CDH12: variants seen among roughly 807,000 people sequenced by gnomAD.
CDH12 encodes the protein cadherin-12.
A neutral mutation model predicts 74.1 loss-of-function variants in CDH12; 41 were observed. That is an observed-to-expected ratio of 0.55 (90% CI 0.43 to 0.72). The LOEUF is 0.72. Among genes scored for constraint, CDH12 ranks in the 30% least tolerant of loss-of-function variants. The probability of loss-of-function intolerance (pLI) is 0.00; values close to 1 mark genes in which losing one functional copy is unlikely to be tolerated. For synonymous variants in CDH12, 399 were observed against 355.0 expected (o/e 1.12, Z -1.39); for missense variants, 945 against 977.2 (o/e 0.97, Z 0.44).
At chr5:21,761,014 GA>G (rs1744689589) in intron 12 of CDH12, among the ~76,000 whole-genome samples, 1 of 152,086 alleles carries the variant, frequency 6.6e-6, no homozygotes, top group Non-Finnish European at 1.5e-5. Flanking sequence ...TTTCTAGCCT[GA>G]ATGTGAAAAT....
At chr5:22,554,490 T>C (rs1248012253) in intron 1 of CDH12, among the ~76,000 whole-genome samples, 1 of 152,136 alleles carries the variant, frequency 6.6e-6, no homozygotes, top group Non-Finnish European at 1.5e-5. Flanking sequence ...AGTCTATTTC[T>C]ATAACACAAA....
intron 3 of CDH12, among the ~76,000 whole-genome samples, chr5:22,280,132 G>T (rs938068718): frequency 5.3e-5 from 8 of 152,104 alleles, no homozygotes; most frequent in African/African-American, 1.7e-4. Flanking sequence ...GTCCAGTAAT[G>T]ATGAGCATTT....
At chr5:22,640,333 C>G (rs1396187181) in intron 1 of CDH12, among the ~76,000 whole-genome samples, 1 of 152,174 alleles carries the variant, frequency 6.6e-6, no homozygotes, top group Non-Finnish European at 1.5e-5. Flanking sequence ...GAAAATCTAA[C>G]ACTATTTTGT....
At chr5:22,459,357 A>G (rs2126580784) in intron 2 of CDH12, among the ~76,000 whole-genome samples, 1 of 152,298 alleles carries the variant, frequency 6.6e-6, no homozygotes, top group South Asian at 2.1e-4. Context: ...ATTTTATACA[A>G]TCAATAAAAA....
intron 1 of CDH12, among the ~76,000 whole-genome samples, chr5:22,547,884 T>A (rs1738402075): frequency 6.6e-6 from 1 of 152,178 alleles, no homozygotes; most frequent in South Asian, 2.1e-4. Context: ...CGAGCACTAT[T>A]TCCGCCCATG....
At chr5:22,255,370 T>A (rs1270179436) in intron 3 of CDH12, among the ~76,000 whole-genome samples, 1 of 151,766 alleles carries the variant, frequency 6.6e-6, no homozygotes, top group African/African-American at 2.4e-5. Flanking sequence ...CAAATACCTA[T>A]AATTATTAAT....
intron 8 of CDH12, among the ~76,000 whole-genome samples, chr5:21,821,879 A>C (rs2149952822): frequency 6.6e-6 from 1 of 152,136 alleles, no homozygotes; most frequent in East Asian, 1.9e-4. Context: ...AATGGCTTAG[A>C]AATAAAATTT....
At chr5:22,782,056 TTG>T (rs1747410259) in intron 1 of CDH12, among the ~76,000 whole-genome samples, 1 of 152,138 alleles carries the variant, frequency 6.6e-6, no homozygotes, top group South Asian at 2.1e-4. Flanking sequence ...CATTGTATTG[TTG>T]AATTAACTAA....
intron 4 of CDH12, among the ~76,000 whole-genome samples, chr5:22,176,218 G>A (rs1456677756): frequency 6.6e-6 from 1 of 151,742 alleles, no homozygotes; most frequent in Non-Finnish European, 1.5e-5. Flanking sequence ...TGAATGCAGT[G>A]GCAAGATTTT....
intron 1 of CDH12, among the ~76,000 whole-genome samples, chr5:22,618,799 T>C (rs1385500839): frequency 6.6e-6 from 1 of 152,010 alleles, no homozygotes; most frequent in Non-Finnish European, 1.5e-5. Context: ...AGGGACCTAG[T>C]AGGAGGTAAT....
chr5:22,839,507 C>T (rs1050118208), intron 1 of CDH12, among the ~76,000 whole-genome samples: 1 of 151,882 alleles, frequency 6.6e-6, no homozygotes, highest in African/African-American at 2.4e-5. Flanking sequence ...AGGCACCCAC[C>T]ATCACGTCTG....
At chr5:22,772,422 T>C (rs1746852826) in intron 1 of CDH12, among the ~76,000 whole-genome samples, 1 of 151,482 alleles carries the variant, frequency 6.6e-6, no homozygotes. Context: ...AAAAGTGGAG[T>C]GAACTACCAG....
At chr5:21,967,998 G>T (rs1756664242) in intron 6 of CDH12, among the ~76,000 whole-genome samples, 1 of 152,138 alleles carries the variant, frequency 6.6e-6, no homozygotes, top group African/African-American at 2.4e-5. Context: ...CAAGGTAAAG[G>T]CGTCCTCTAC....
intron 11 of CDH12, among the ~76,000 whole-genome samples, chr5:21,765,671 A>G (rs1744983059): frequency 6.6e-6 from 1 of 152,108 alleles, no homozygotes; most frequent in South Asian, 2.1e-4. Flanking sequence ...CTGGTGATAA[A>G]AAAGGAAGTA....
At chr5:21,813,523 A>T (rs762841267) in intron 9 of CDH12, among the ~76,000 whole-genome samples, 2 of 151,614 alleles carry the variant, frequency 1.3e-5, no homozygotes, top group Non-Finnish European at 2.9e-5. Context: ...AGTAAAAGTG[A>T]TCTAGATCTA....
chr5:22,288,972 A>C (rs1737272260), intron 3 of CDH12, among the ~76,000 whole-genome samples: 2 of 152,174 alleles, frequency 1.3e-5, no homozygotes, highest in Admixed American at 1.3e-4. Flanking sequence ...TGAGCACAGA[A>C]GTTTGAAACC....
chr5:22,300,564 C>A (rs958462711), intron 3 of CDH12, among the ~76,000 whole-genome samples: 1 of 152,172 alleles, frequency 6.6e-6, no homozygotes. Flanking sequence ...AATTGAAAAA[C>A]GTGAATGACA....
At chr5:22,030,699 C>G (rs956753596) in intron 5 of CDH12, among the ~76,000 whole-genome samples, 1 of 152,188 alleles carries the variant, frequency 6.6e-6, no homozygotes, top group Non-Finnish European at 1.5e-5. Flanking sequence ...GTACTTTGAA[C>G]TTTGAAGCCA....
In CDH12 at chr5:22,713,278, C is replaced by T. The variant is rs910981255; in HGVS notation, c.-523+139780G>A. Among the ~76,000 whole-genome samples the T allele has an allele frequency of 6.0e-5, 9 of 151,118 alleles. No individual in the cohort carries two copies. The East Asian group carries it at 1.2e-3, about 20-fold the overall frequency. Reference sequence around the variant, plus strand: ...GCCTCAGCCTCCCAAGTAGCTGGGACTACAGGCACAAACCACCATGCCCCA... The same window carrying T: ...GCCTCAGCCTCCCAAGTAGCTGGGATTACAGGCACAAACCACCATGCCCCA... On this transcript the variant is annotated intron_variant, in intron 1 of 14. Transcript: ENST00000382254.
Sources: allele counts gnomAD v4.1 joint callset (sites outside exome capture counted in the v4.1 genomes callset), GRCh38; gene constraint gnomAD v4.1.1; transcripts MANE v1.5; gene names NCBI Gene and HGNC (gene_info 2026-07-23, HGNC 2026-07-21).